Variants in VPS13B observed in about 807,000 individuals in gnomAD.
VPS13B encodes intermembrane lipid transfer protein VPS13B.
A neutral mutation model predicts 426.4 loss-of-function variants in VPS13B; 285 were observed. The observed-to-expected ratio is 0.67, with a 90% CI of 0.61 to 0.74. The LOEUF (loss-of-function observed/expected upper bound fraction) is 0.74, where lower values mean the gene tolerates loss of function less well. Among genes scored for constraint, VPS13B ranks in the 30% least tolerant of loss-of-function variants. VPS13B has a pLI of 0.00. For missense variants in VPS13B, 4,537 were observed against 4,782.6 expected, an observed-to-expected ratio of 0.95 and a Z score of 1.51; for synonymous variants, 1,676 against 1,676.4, an observed-to-expected ratio of 1.00 and a Z score of 0.01.
chr8:99,249,579 A>G (rs1817398497), intron 17 of VPS13B, among the ~76,000 whole-genome samples: 1 of 151,628 alleles, frequency 6.6e-6, no homozygotes, highest in Non-Finnish European at 1.5e-5. Flanking sequence ...ACCCGCCACC[A>G]CGCCCGGCTA....
At chr8:99,564,353 TC>T (rs928682268) in intron 31 of VPS13B, among the ~76,000 whole-genome samples, 1 of 152,122 alleles carries the variant, frequency 6.6e-6, no homozygotes, top group African/African-American at 2.4e-5. Flanking sequence ...CAACCAACCC[TC>T]CTGAAGCACT....
chr8:99,275,313 A>G, intron 19 of VPS13B, 59 bp downstream of exon 19: 1 of 1,433,794 alleles, frequency 7.0e-7, no homozygotes, highest in Non-Finnish European at 9.2e-7. Flanking sequence ...TTTTTCCAGA[A>G]AGGCTTTTAA....
At chr8:99,088,933 A>G (rs77418050) in intron 3 of VPS13B, among the ~76,000 whole-genome samples, 6 of 151,988 alleles carry the variant, frequency 3.9e-5, no homozygotes. Context: ...AGTCTTTTCA[A>G]ATCTCTTGTT....
chr8:99,604,736 C>T (rs1041726370), intron 33 of VPS13B, among the ~76,000 whole-genome samples: 2 of 151,934 alleles, frequency 1.3e-5, no homozygotes, highest in Admixed American at 6.6e-5. Context: ...GTGATCCACC[C>T]GCCTCGGCCC....
intron 19 of VPS13B, among the ~76,000 whole-genome samples, chr8:99,317,019 A>G (rs142568244): frequency 1.6e-4 from 24 of 152,368 alleles, no homozygotes; most frequent in African/African-American, 5.5e-4. Flanking sequence ...GTCAGCTATA[A>G]GAAATGGTGT....
chr8:99,240,052 C>T (rs534166641), intron 17 of VPS13B, among the ~76,000 whole-genome samples: 7 of 152,186 alleles, frequency 4.6e-5, no homozygotes, highest in South Asian at 2.1e-4. Flanking sequence ...CCAGAGACTG[C>T]TGTTTCTTGA....
intron 33 of VPS13B, among the ~76,000 whole-genome samples, chr8:99,595,945 TCAAAG>T (rs1177338095): frequency 6.6e-6 from 1 of 151,718 alleles, no homozygotes; most frequent in Non-Finnish European, 1.5e-5. Context: ...GAAATGCAAA[TCAAAG>T]CCACAAGAAA....
At chr8:99,302,810 G>A (rs1461987332) in intron 19 of VPS13B, among the ~76,000 whole-genome samples, 1 of 151,986 alleles carries the variant, frequency 6.6e-6, no homozygotes, top group Non-Finnish European at 1.5e-5. Context: ...TGCCTGGCCT[G>A]AATACTCTAT....
intron 17 of VPS13B, among the ~76,000 whole-genome samples, chr8:99,193,518 A>C (rs531920770): frequency 6.6e-6 from 1 of 152,180 alleles, no homozygotes; most frequent in Non-Finnish European, 1.5e-5. Context: ...TAAAAATACA[A>C]ATTTCTGCTT....
At chr8:99,642,754 C>T (rs1283814933) in intron 34 of VPS13B, among the ~76,000 whole-genome samples, 1 of 152,154 alleles carries the variant, frequency 6.6e-6, no homozygotes. Flanking sequence ...GGAACTCTTT[C>T]TTGACTATAG....
chr8:99,752,363 G>T (rs1377763670), intron 39 of VPS13B, among the ~76,000 whole-genome samples: 2 of 152,312 alleles, frequency 1.3e-5, no homozygotes, highest in Non-Finnish European at 2.9e-5. Context: ...GGGATCAGCA[G>T]CAAACTACAG....
intron 19 of VPS13B, among the ~76,000 whole-genome samples, chr8:99,315,100 C>T (rs1226231579): frequency 3.9e-5 from 6 of 152,082 alleles, no homozygotes; most frequent in Admixed American, 3.9e-4. Context: ...TGACTGTTTA[C>T]ATTCAAGGTT....
chr8:99,553,602 A>G (rs760540283), intron 30 of VPS13B, among the ~76,000 whole-genome samples: 20 of 152,124 alleles, frequency 1.3e-4, no homozygotes, highest in Non-Finnish European at 2.2e-4. Context: ...AGTCATATCA[A>G]AATAGCTAAA....
chr8:99,509,979 A>G (rs933768678), intron 28 of VPS13B, among the ~76,000 whole-genome samples: 1 of 152,174 alleles, frequency 6.6e-6, no homozygotes, highest in African/African-American at 2.4e-5. Flanking sequence ...GAGCTAATTG[A>G]GATAGTTTTA....
intron 14 of VPS13B, 30 bp downstream of exon 14, chr8:99,148,040 T>C (rs768737486): frequency 1.0e-5 from 16 of 1,600,088 alleles, no homozygotes; most frequent in Middle Eastern, 1.7e-4. Context: ...ATATTTTTTT[T>C]CCCTCATATA....
Position 99,861,962 on chromosome 8 carries a change from G to A in VPS13B, c.11215+16G>A. On this transcript the variant is annotated intron_variant, in intron 58 of 61. Coordinates refer to ENST00000357162, the MANE Select transcript of VPS13B (RefSeq NM_152564.5). Reference sequence around the variant, plus strand: ...AGCCTGCTTGGTAAGGGGCTGCGGGGCCTCCCACCTGTCTGTACTCCAGCA... The same window carrying A: ...AGCCTGCTTGGTAAGGGGCTGCGGGACCTCCCACCTGTCTGTACTCCAGCA... The A allele has an allele frequency of 6.4e-7, 1 of 1,571,394 alleles. No homozygotes were observed. The highest frequency in any genetic ancestry group is 1.8e-5 in the Admixed American group (1 of 54,650).
At chr8:99,754,091 T>G (rs1459632402) in intron 39 of VPS13B, among the ~76,000 whole-genome samples, 2 of 151,496 alleles carry the variant, frequency 1.3e-5, no homozygotes, top group Non-Finnish European at 2.9e-5. Context: ...AAGGGTTTTT[T>G]TTTTTTTTTT....
Position 99,767,217 on chromosome 8 carries a change from A to G in VPS13B, c.7247+247A>G, listed in dbSNP as rs73271381. Among the ~76,000 whole-genome samples the G allele has an allele frequency of 0.017, 2,561 of 152,140 alleles. 65 individuals are homozygous for G. Among genetic ancestry groups the G allele is most frequent in the African/African-American group, 0.059 (2,437 of 41,490 alleles). On this transcript the variant is annotated intron_variant, in intron 40 of 61. Coordinates refer to ENST00000357162, the MANE Select transcript of VPS13B (RefSeq NM_152564.5). ...CACTAAGAACCTGTTCCTTAAATAT[A>G]AAAAGAAAAAAATGGAAAAAAGCAA...
chr8:99,481,556 A>T (rs1820039783), intron 24 of VPS13B, 43 bp from the exon 25 acceptor site: 1 of 1,588,522 alleles, frequency 6.3e-7, no homozygotes, highest in Admixed American at 1.7e-5. Flanking sequence ...TGAAACTGGA[A>T]GTTGAAAGAC....
Sources: allele counts gnomAD v4.1 joint callset (sites outside exome capture counted in the v4.1 genomes callset), GRCh38; gene constraint gnomAD v4.1.1; transcripts MANE v1.5; gene names NCBI Gene and HGNC (gene_info 2026-07-23, HGNC 2026-07-21).